The following CXCL13 variants were observed in gnomAD, a reference collection of about 807,000 sequenced individuals.
The protein encoded by CXCL13 is C-X-C motif chemokine ligand 13.
Under a neutral mutation model 12.2 loss-of-function variants are expected in CXCL13, and 7 were observed. The observed-to-expected ratio is 0.57, with a 90% CI of 0.33 to 1.07. The LOEUF (loss-of-function observed/expected upper bound fraction) is 1.07, where lower values mean the gene tolerates loss of function less well. CXCL13 is among the 50% of genes least tolerant of loss of function. The pLI is 0.04. For synonymous variants in CXCL13, 47 were observed against 42.4 expected (o/e 1.11, Z -0.42); for missense variants, 113 against 127.4 (o/e 0.89, Z 0.55).
intron 1 of CXCL13, among the ~76,000 whole-genome samples, chr4:77,512,524 G>A (rs1041166139): frequency 6.6e-6 from 1 of 152,070 alleles, no homozygotes; most frequent in African/African-American, 2.4e-5. Context: ...CTTGTAAATG[G>A]CTGTCTTCTC....
At chr4:77,581,501 G>A (rs143551702) in intron 1 of CXCL13, among the ~76,000 whole-genome samples, 188 of 152,242 alleles carry the variant, frequency 1.2e-3, no homozygotes, top group African/African-American at 4.4e-3. Flanking sequence ...TGGCTCAAGG[G>A]ATCTTGGGAT....
At chr4:77,532,927 T>A (rs1724965455) in intron 1 of CXCL13, among the ~76,000 whole-genome samples, 1 of 152,098 alleles carries the variant, frequency 6.6e-6, no homozygotes, top group Admixed American at 6.5e-5. Flanking sequence ...TTATTCTAGT[T>A]TGCCATTCAT....
At chr4:77,537,926 C>T (rs1334893147) in intron 1 of CXCL13, among the ~76,000 whole-genome samples, 10 of 152,168 alleles carry the variant, frequency 6.6e-5, no homozygotes, top group African/African-American at 2.4e-4. Flanking sequence ...GCTATTGCTT[C>T]AGAAAAGGGT....
intron 1 of CXCL13, among the ~76,000 whole-genome samples, chr4:77,528,592 G>A (rs1248893264): frequency 6.6e-6 from 1 of 152,184 alleles, no homozygotes; most frequent in Non-Finnish European, 1.5e-5. Flanking sequence ...AGAAGTGTCT[G>A]TTCACATCCT....
chr4:77,551,198 G>T (rs772527408), intron 1 of CXCL13, among the ~76,000 whole-genome samples: 3 of 152,168 alleles, frequency 2.0e-5, no homozygotes, highest in African/African-American at 4.8e-5. Flanking sequence ...TTTCCATTGT[G>T]TGGTTGGTTT....
intron 1 of CXCL13, among the ~76,000 whole-genome samples, chr4:77,592,489 T>C (rs1392805808): frequency 1.3e-5 from 2 of 152,166 alleles, no homozygotes; most frequent in Non-Finnish European, 2.9e-5. Flanking sequence ...GAGGACTAAA[T>C]GGTAAATATT....
intron 1 of CXCL13, among the ~76,000 whole-genome samples, chr4:77,564,122 T>C (rs1560527385): frequency 6.6e-6 from 1 of 152,140 alleles, no homozygotes; most frequent in Non-Finnish European, 1.5e-5. Flanking sequence ...TTTGTATTAA[T>C]TAAAAACTCT....
chr4:77,553,325 A>G (rs563685580), intron 1 of CXCL13, among the ~76,000 whole-genome samples: 3 of 152,374 alleles, frequency 2.0e-5, no homozygotes, highest in African/African-American at 7.2e-5. Flanking sequence ...TCTGTGGCCC[A>G]GGACTGAAGT....
intron 1 of CXCL13, among the ~76,000 whole-genome samples, chr4:77,541,978 T>C (rs1725215637): frequency 6.6e-6 from 1 of 152,106 alleles, no homozygotes; most frequent in Non-Finnish European, 1.5e-5. Flanking sequence ...CTATTGTGAA[T>C]GGGATTGTGT....
At chr4:77,563,708 TGAA>T (rs1307739364) in intron 1 of CXCL13, among the ~76,000 whole-genome samples, 1 of 152,232 alleles carries the variant, frequency 6.6e-6, no homozygotes, top group Non-Finnish European at 1.5e-5. Flanking sequence ...TTTATTAAAA[TGAA>T]GAATTACAGG....
chr4:77,541,722 G>A (rs772732246), intron 1 of CXCL13, among the ~76,000 whole-genome samples: 1 of 152,028 alleles, frequency 6.6e-6, no homozygotes, highest in Non-Finnish European at 1.5e-5. Flanking sequence ...TCCAAATGAA[G>A]TTTAGAGTAG....
intron 1 of CXCL13, among the ~76,000 whole-genome samples, chr4:77,578,306 C>T (rs1030147977): frequency 5.3e-5 from 8 of 152,206 alleles, no homozygotes; most frequent in South Asian, 2.1e-4. Context: ...GCCCTGTTTG[C>T]CAGGGACCCT....
At chr4:77,569,878 T>C (rs920935525) in intron 1 of CXCL13, among the ~76,000 whole-genome samples, 1 of 152,132 alleles carries the variant, frequency 6.6e-6, no homozygotes, top group Non-Finnish European at 1.5e-5. Context: ...CAAACTATAC[T>C]ACAGGGCTAC....
chr4:77,596,128 T>C lies in CXCL13; in HGVS notation c.-42-9696T>C, dbSNP rs115600092. Among the ~76,000 whole-genome samples, 870 of 152,306 alleles carry C rather than the reference T, an allele frequency of 5.7e-3. 14 individuals carry two copies. Among genetic ancestry groups the C allele is most frequent in the African/African-American group, 0.018 (758 of 41,572 alleles). The stretch of plus-strand genomic sequence containing the variant: ...AGATAGAAGGCAGTATAACAAGAAA[T>C]ACAATGGAATTTTTCCTGTTGTCCC... On this transcript the variant is annotated intron_variant, in intron 1 of 4. Coordinates refer to the CXCL13 transcript ENST00000286758.
At chr4:77,599,380 T>G (rs933399982) in intron 1 of CXCL13, among the ~76,000 whole-genome samples, 5 of 152,198 alleles carry the variant, frequency 3.3e-5, no homozygotes, top group Non-Finnish European at 7.3e-5. Flanking sequence ...ATGTAAACAC[T>G]ATGTAAATAG....
intron 1 of CXCL13, among the ~76,000 whole-genome samples, chr4:77,527,774 T>C (rs1184249829): frequency 6.6e-6 from 1 of 152,110 alleles, no homozygotes; most frequent in Non-Finnish European, 1.5e-5. Context: ...TTTCTTTTTT[T>C]ATTATTTTTT....
At chr4:77,582,051 CAT>C (rs984939773) in intron 1 of CXCL13, among the ~76,000 whole-genome samples, 1 of 151,826 alleles carries the variant, frequency 6.6e-6, no homozygotes, top group African/African-American at 2.4e-5. Flanking sequence ...GCCTGGAAAA[CAT>C]AGAAAAAAAT....
intron 1 of CXCL13, among the ~76,000 whole-genome samples, chr4:77,524,063 A>G (rs1290340373): frequency 2.0e-5 from 3 of 152,000 alleles, no homozygotes; most frequent in Non-Finnish European, 4.4e-5. Flanking sequence ...CAAATATTGC[A>G]GAACAGCAAA....
intron 1 of CXCL13, among the ~76,000 whole-genome samples, chr4:77,553,423 G>C (rs542832446): frequency 3.0e-4 from 46 of 152,330 alleles, no homozygotes; most frequent in African/African-American, 1.0e-3. Flanking sequence ...CTCAGTTCCA[G>C]GTCTGGAAAA....
Sources: gnomAD v4.1 joint callset for allele counts (sites outside exome capture counted in the v4.1 genomes callset) on GRCh38, gnomAD v4.1.1 for gene constraint, MANE v1.5 for transcripts, NCBI Gene and HGNC (gene_info 2026-07-23, HGNC 2026-07-21) for gene names.